KCNQ1: variants seen among roughly 807,000 people sequenced by gnomAD.
KCNQ1 encodes the protein potassium voltage-gated channel subfamily KQT member 1.
KCNQ1 carries 49 observed loss-of-function variants against 72.4 expected under a neutral mutation model. That is an observed-to-expected ratio of 0.68 (90% CI 0.54 to 0.86). The LOEUF (loss-of-function observed/expected upper bound fraction) is 0.86. Among genes scored for constraint, KCNQ1 ranks in the 40% least tolerant of loss-of-function variants. The pLI, the probability that KCNQ1 is intolerant of heterozygous loss-of-function variation, is 0.00. For synonymous variants in KCNQ1, 450 were observed against 412.6 expected, an observed-to-expected ratio of 1.09 and a Z score of -1.10; for missense variants, 790 against 945.1, an observed-to-expected ratio of 0.84 and a Z score of 2.15.
intron 15 of KCNQ1, among the ~76,000 whole-genome samples, chr11:2,789,188 C>T (rs234875): frequency 6.6e-6 from 1 of 151,950 alleles, no homozygotes; most frequent in African/African-American, 2.4e-5. Flanking sequence ...GGAATGCACA[C>T]CCCTAAAGTC....
At position 2,777,022 on chromosome 11, in the gene KCNQ1, C is replaced by T. The variant is rs2133990796; in HGVS notation, c.1722C>T (p.Ile574=). The change falls in exon 14 of 16, where the codon ATC becomes ATT. Residue 574 remains isoleucine (I), a synonymous_variant. Coordinates refer to ENST00000155840, the MANE Select transcript of KCNQ1 (RefSeq NM_000218.3). The part of the protein sequence containing the change: ...DQSIGKPSLF[I]SVSEKSKDRG... ...CCATTGGGAAGCCCTCACTGTTCAT[C>T]TCCGTCTCAGGTGGGTTTCTGTGTC... 6.2e-7 allele frequency: 1 copy of T among 1,614,176 alleles called. No homozygotes were observed. The highest frequency in any genetic ancestry group is 8.5e-7 in the Non-Finnish European group (1 of 1,180,006).
chr11:2,789,914 C>G (rs1846985888), intron 15 of KCNQ1, among the ~76,000 whole-genome samples: 1 of 152,224 alleles, frequency 6.6e-6, no homozygotes, highest in Non-Finnish European at 1.5e-5. Context: ...CCAATCCTAA[C>G]ATCCTGTGAG....
At chr11:2,572,137 G>A in intron 5 of KCNQ1, 28 bp downstream of exon 5, 1 of 1,556,884 alleles carries the variant, frequency 6.4e-7, no homozygotes. Flanking sequence ...GGGGTGCGGG[G>A]CCCAGGTTGG....
At chr11:2,840,577 A>G (rs1278877159) in intron 15 of KCNQ1, 3 of 152,242 alleles carry the variant, frequency 2.0e-5, no homozygotes, top group Non-Finnish European at 4.4e-5. Flanking sequence ...AAGCACGCAC[A>G]GGATGAGAAG....
chr11:2,631,236 T>C, intron 10 of KCNQ1: 1 of 398,568 alleles, frequency 2.5e-6, no homozygotes, highest in Non-Finnish European at 4.4e-6. Flanking sequence ...ACTCTCCTGA[T>C]GGTGTCCCAT....
intron 1 of KCNQ1, among the ~76,000 whole-genome samples, chr11:2,520,929 G>A (rs1847371898): frequency 6.6e-6 from 1 of 152,162 alleles, no homozygotes; most frequent in Admixed American, 6.5e-5. Flanking sequence ...TTATCAGCCT[G>A]GCGAGGTCCC....
intron 10 of KCNQ1, chr11:2,615,643 G>A: frequency 2.5e-6 from 1 of 397,926 alleles, no homozygotes; most frequent in Non-Finnish European, 4.4e-6. Context: ...ATGATTGCAT[G>A]GATTTTTTAT....
chr11:2,528,090 C>T (rs1847543196), intron 2 of KCNQ1, 72 bp downstream of exon 2: 3 of 1,312,832 alleles, frequency 2.3e-6, no homozygotes, highest in East Asian at 4.8e-5. Context: ...GGCGCTGGGC[C>T]CCATAAGGTG....
At chr11:2,587,839 C>A in intron 9 of KCNQ1, 147 bp downstream of exon 9, 1 of 1,144,362 alleles carries the variant, frequency 8.7e-7, no homozygotes. Context: ...GGACACTGGG[C>A]CATACACCCG....
chr11:2,621,874 G>C lies in KCNQ1; in HGVS notation c.1393+33020G>C. 5.0e-6 allele frequency: 2 copies of C among 398,062 alleles called. No homozygotes were observed. Among genetic ancestry groups the C allele is most frequent in the Non-Finnish European group, 8.9e-6 (2 of 225,854 alleles). The allele number at this position is 398,062 out of a possible 1,614,324, so 24.7% of individuals were successfully genotyped here. A position where few individuals can be genotyped will look rare whatever the true frequency, so the allele number is the denominator to read the frequency against. ...CCCCTATGGTTTTTCTTTCTAACTT[G>C]TCTCTGTTCTGATCTTTATTATTTC... On this transcript the variant is annotated intron_variant, in intron 10 of 15. Transcript: ENST00000155840. The surrounding 1 kb of genome is among the most constrained non-coding windows in gnomAD (Gnocchi z 5.7).
At position 2,690,680 on chromosome 11, in the gene KCNQ1, G is replaced by A. The variant is rs1850573933; in HGVS notation, c.1514+28599G>A. Reference sequence around the variant, plus strand: ...GTGTGTCAGTGCACATAGGTATAGGGGCTGTCTCTCAGAATTCCTGAGGGC... The same window carrying A: ...GTGTGTCAGTGCACATAGGTATAGGAGCTGTCTCTCAGAATTCCTGAGGGC... On this transcript the variant is annotated intron_variant, in intron 11 of 15. Transcript: ENST00000155840. The surrounding 1 kb of genome is among the most constrained non-coding windows in gnomAD (Gnocchi z 5.1). The A allele has an allele frequency of 2.5e-6, 1 of 398,644 alleles. No individual in the cohort carries two copies. The highest frequency in any genetic ancestry group is 4.4e-6 in the Non-Finnish European group (1 of 226,088). The allele number at this position is 398,644 out of a possible 1,614,324, so 24.7% of individuals were successfully genotyped here.
rs1166915183 is a variant in KCNQ1 at position 2,621,874 on chromosome 11, G to T, written c.1393+33020G>T. On this transcript the variant is annotated intron_variant, in intron 10 of 15. Coordinates refer to ENST00000155840, the MANE Select transcript of KCNQ1 (RefSeq NM_000218.3). This position sits in a 1 kb window ranked among gnomAD's most constrained non-coding sequence, Gnocchi z 5.7. Reference sequence around the variant, plus strand: ...CCCCTATGGTTTTTCTTTCTAACTTGTCTCTGTTCTGATCTTTATTATTTC... The same window carrying T: ...CCCCTATGGTTTTTCTTTCTAACTTTTCTCTGTTCTGATCTTTATTATTTC... 5.0e-6 allele frequency: 2 copies of T among 397,944 alleles called. No homozygotes were observed. Among genetic ancestry groups the T allele is most frequent in the African/African-American group, 2.1e-5 (1 of 48,526 alleles). The allele number at this position is 397,944 out of a possible 1,614,324, so 24.7% of individuals were successfully genotyped here. A position where few individuals can be genotyped will look rare whatever the true frequency, so the allele number is the denominator to read the frequency against.
rs1849001734 is a variant in KCNQ1, at chr11:2,612,772, A to G, written c.1393+23918A>G. 7.5e-6 allele frequency: 3 copies of G among 398,438 alleles called. No individual in the cohort carries two copies. Among genetic ancestry groups the G allele is most frequent in the Admixed American group, 4.4e-5 (1 of 22,700 alleles). 24.7% of individuals were successfully genotyped at this position (398,438 alleles called of 1,614,324 possible). ...TATTTATTGCTCATTATTCTTGTTC[A>G]AGGGTCACAATTTTCTGTTTCTTTG... On this transcript the variant is annotated intron_variant, in intron 10 of 15. Coordinates refer to ENST00000155840, the MANE Select transcript of KCNQ1 (RefSeq NM_000218.3). The surrounding 1 kb of genome is among the most constrained non-coding windows in gnomAD (Gnocchi z 5.5).
At chr11:2,714,349 G>T (rs1851054180) in intron 11 of KCNQ1, among the ~76,000 whole-genome samples, 1 of 152,200 alleles carries the variant, frequency 6.6e-6, no homozygotes, top group Admixed American at 6.5e-5. Context: ...CGAGCTGCCT[G>T]CTGGGCCACA....
At chr11:2,606,892 ATTTTTTTTTTTT>A (rs869121696) in intron 10 of KCNQ1, among the ~76,000 whole-genome samples, 30 of 82,766 alleles carry the variant, frequency 3.6e-4, no homozygotes, top group East Asian at 2.4e-3. Flanking sequence ...ATTATCTGTG[ATTTTTTTTTTTT>A]TTTTTTTTTT....
chr11:2,796,658 G>A (rs931534827), intron 15 of KCNQ1, among the ~76,000 whole-genome samples: 6 of 152,336 alleles, frequency 3.9e-5, no homozygotes, highest in African/African-American at 1.2e-4. Context: ...CGTCAGAGCT[G>A]GGCCTGAAGA....
At position 2,710,634 on chromosome 11, in the gene KCNQ1, C is replaced by T. The variant is rs151035251; in HGVS notation, c.1514+48553C>T. Among the ~76,000 whole-genome samples, 51 of 152,248 alleles carry T rather than the reference C, an allele frequency of 3.3e-4. 1 individual carries two copies. Among genetic ancestry groups the T allele is most frequent in the East Asian group, 2.5e-3 (13 of 5,182 alleles). The stretch of plus-strand genomic sequence containing the variant: ...GGCTCTTACACTTAGGTCTTTCATC[C>T]GCTTTCAGTTAGTTTAACATATGGT... On this transcript the variant is annotated intron_variant, in intron 11 of 15. Transcript: ENST00000155840. The surrounding 1 kb of genome is among the most constrained non-coding windows in gnomAD (Gnocchi z 4.1).
At chr11:2,722,281 G>C (rs1845681573) in intron 11 of KCNQ1, among the ~76,000 whole-genome samples, 2 of 152,156 alleles carry the variant, frequency 1.3e-5, no homozygotes, top group South Asian at 4.1e-4. Flanking sequence ...GGTGAAGATA[G>C]GAAAGGACTA....
At position 2,830,222 on chromosome 11, in the gene KCNQ1, A is replaced by C. The variant is rs773701634; in HGVS notation, c.1795-17545A>C. ...CAGGACTGGCTGGGTGCTACGCAGG[A>C]GCCCTCTGACTAGCTGGGGCTGGGG... On this transcript the variant is annotated intron_variant, in intron 15 of 15. Coordinates refer to ENST00000155840, the MANE Select transcript of KCNQ1 (RefSeq NM_000218.3). This position sits in a 1 kb window ranked among gnomAD's most constrained non-coding sequence, Gnocchi z 7.7. Among the ~76,000 whole-genome samples the C allele has an allele frequency of 6.6e-6, 1 of 152,050 alleles. No homozygotes were observed. The highest frequency in any genetic ancestry group is 1.5e-5 in the Non-Finnish European group (1 of 67,962).
Sources: gnomAD v4.1 joint callset for allele counts (sites outside exome capture counted in the v4.1 genomes callset) on GRCh38, gnomAD v4.1.1 for gene constraint, Gnocchi (gnomAD v3.1) non-coding constraint, MANE v1.5 for transcripts, NCBI Gene and HGNC (gene_info 2026-07-23, HGNC 2026-07-21) for gene names.